Variants in PCDHGA11 observed in about 807,000 individuals in gnomAD.
PCDHGA11 encodes protocadherin gamma subfamily A, 11.
PCDHGA11 carries 39 observed loss-of-function variants against 60.4 expected under a neutral mutation model. The ratio of observed to expected loss-of-function variants is 0.65; its 90% CI spans 0.50 to 0.84. The LOEUF is 0.84. PCDHGA11 is among the 40% of genes least tolerant of loss of function. PCDHGA11 has a pLI of 0.00. For synonymous variants in PCDHGA11, 533 were observed against 510.3 expected, an observed-to-expected ratio of 1.04 and a Z score of -0.60; for missense variants, 1,165 against 1,197.7, an observed-to-expected ratio of 0.97 and a Z score of 0.40.
chr5:141,428,227 A>T (rs2154552643), intron 1 of PCDHGA11: 1 of 1,100,784 alleles, frequency 9.1e-7, no homozygotes, highest in Admixed American at 1.9e-5. Context: ...CTTCGCAGAC[A>T]GCCTGCAGGA....
At chr5:141,478,088 A>G (rs2099429877) in intron 1 of PCDHGA11, 2 of 1,613,944 alleles carry the variant, frequency 1.2e-6, no homozygotes, top group African/African-American at 1.3e-5. Context: ...TTCGCTCTCC[A>G]CCACTGCTAC....
chr5:141,451,001 A>G (rs909477017), intron 1 of PCDHGA11, among the ~76,000 whole-genome samples: 1 of 148,266 alleles, frequency 6.7e-6, no homozygotes, highest in African/African-American at 2.5e-5. Context: ...ATTTTTTTGT[A>G]TTTTTTTTAG....
chr5:141,489,150 TAA>T lies in PCDHGA11; in HGVS notation c.2434-5656_2434-5655del. 1.2e-6 allele frequency: 1 copy of T among 862,654 alleles called. No homozygotes were observed. Among genetic ancestry groups the T allele is most frequent in the Non-Finnish European group, 1.7e-6 (1 of 575,074 alleles). The allele number at this position is 862,654 out of a possible 1,614,324, so 53.4% of individuals were successfully genotyped here. On this transcript the variant is annotated intron_variant, in intron 1 of 3. Coordinates refer to ENST00000398587, the MANE Select transcript of PCDHGA11 (RefSeq NM_018914.3). This position sits in a 1 kb window ranked among gnomAD's most constrained non-coding sequence, Gnocchi z 4.5. ...GTTTTTAAGAGGCTGGAAGGAGACA[TAA>T]GAGACTTCAGCTGCTGCATTCCAAG... is the stretch of plus-strand genomic sequence containing the variant.
chr5:141,423,471 G>A lies in PCDHGA11; in HGVS notation c.2244G>A (p.Gln748=). ...TSHFVGVDGV[Q]AFLQTYSHEV... ...ATTTTGTAGGCGTGGACGGGGTACA[G>A]GCTTTCCTGCAAACCTATTCCCACG... Residue 748 remains glutamine, a synonymous_variant, in exon 1 of 4, where the codon CAG becomes CAA. Coordinates refer to ENST00000398587, the MANE Select transcript of PCDHGA11 (RefSeq NM_018914.3). 1 of 1,614,052 alleles carries A rather than the reference G, an allele frequency of 6.2e-7. No individual in the cohort carries two copies. The highest frequency in any genetic ancestry group is 1.1e-5 in the South Asian group (1 of 91,086).
At chr5:141,501,116 C>T (rs1325487254) in intron 2 of PCDHGA11, among the ~76,000 whole-genome samples, 1 of 152,154 alleles carries the variant, frequency 6.6e-6, no homozygotes, top group Non-Finnish European at 1.5e-5. Flanking sequence ...ATCCGCCTGC[C>T]TCAGCCTCCC....
chr5:141,452,494 T>C (rs1186924396), intron 1 of PCDHGA11, among the ~76,000 whole-genome samples: 2 of 152,192 alleles, frequency 1.3e-5, no homozygotes, highest in African/African-American at 4.8e-5. Flanking sequence ...CACACCCATA[T>C]TTATATTTGT....
At position 141,481,036 on chromosome 5, in the gene PCDHGA11, C is replaced by T. The variant is rs1040377549; in HGVS notation, c.2434-13771C>T. Among the ~76,000 whole-genome samples, 19 of 151,964 alleles carry T rather than the reference C, an allele frequency of 1.3e-4. 1 individual carries two copies. The highest frequency in any genetic ancestry group is 3.4e-4 in the African/African-American group (14 of 41,456). ...TCACACCACTGCACTCCAGCCTGGG[C>T]GACAGAGCGAGACTCCACCTCAAAA... is the stretch of plus-strand genomic sequence containing the variant. On this transcript the variant is annotated intron_variant, in intron 1 of 3. Transcript: ENST00000398587.
chr5:141,501,162 C>T (rs922957843), intron 2 of PCDHGA11, among the ~76,000 whole-genome samples: 1 of 152,134 alleles, frequency 6.6e-6, no homozygotes, highest in Non-Finnish European at 1.5e-5. Context: ...CCACCATCCC[C>T]AGCCTCATTT....
chr5:141,440,990 C>T (rs1195325115), intron 1 of PCDHGA11: 2 of 152,172 alleles, frequency 1.3e-5, no homozygotes, highest in African/African-American at 4.8e-5. Flanking sequence ...CCAGAGTACC[C>T]ATATCTAGTT....
At chr5:141,451,124 A>T (rs2098707796) in intron 1 of PCDHGA11, among the ~76,000 whole-genome samples, 1 of 152,102 alleles carries the variant, frequency 6.6e-6, no homozygotes, top group Non-Finnish European at 1.5e-5. Context: ...CACCACACCC[A>T]GCCTTATGAT....
intron 2 of PCDHGA11, among the ~76,000 whole-genome samples, chr5:141,498,451 T>C (rs1426888821): frequency 6.6e-6 from 1 of 152,126 alleles, no homozygotes; most frequent in Non-Finnish European, 1.5e-5. Context: ...AGGTTCCTTT[T>C]ATCCAGTCTA....
At chr5:141,494,954 G>A in intron 2 of PCDHGA11, 89 bp downstream of exon 2, 2 of 1,601,116 alleles carry the variant, frequency 1.2e-6, no homozygotes. Context: ...CCCAGCATTT[G>A]CTACAGATGG....
At chr5:141,492,448 G>T (rs2734874) in intron 1 of PCDHGA11, among the ~76,000 whole-genome samples, 50 of 152,334 alleles carry the variant, frequency 3.3e-4, no homozygotes, top group African/African-American at 1.2e-3. Context: ...GTAGCTGATT[G>T]TGCGCGCCTG....
At chr5:141,426,487 G>A (rs999549044) in intron 1 of PCDHGA11, 2 of 333,788 alleles carry the variant, frequency 6.0e-6, no homozygotes, top group African/African-American at 4.3e-5. Context: ...AAACCTTAGA[G>A]TTAGTGCAGA....
chr5:141,498,065 G>C (rs1197771947), intron 2 of PCDHGA11, among the ~76,000 whole-genome samples: 1 of 152,220 alleles, frequency 6.6e-6, no homozygotes, highest in Non-Finnish European at 1.5e-5. Context: ...GACTGAAACT[G>C]TCATAAGTGC....
Position 141,489,712 on chromosome 5 carries a change from C to T in PCDHGA11, c.2434-5095C>T. On this transcript the variant is annotated intron_variant, in intron 1 of 3. Coordinates refer to ENST00000398587, the MANE Select transcript of PCDHGA11 (RefSeq NM_018914.3). The surrounding 1 kb of genome is among the most constrained non-coding windows in gnomAD (Gnocchi z 4.5). The stretch of plus-strand genomic sequence containing the variant: ...GGCACGATTCCCACTGGACAGTGCC[C>T]AGGATCCGGATGTGGGCACCAATAC... The T allele has an allele frequency of 6.2e-7, 1 of 1,614,162 alleles. No individual in the cohort carries two copies. The highest frequency in any genetic ancestry group is 1.1e-5 in the South Asian group (1 of 91,078).
Position 141,503,999 on chromosome 5 carries a change from C to T in PCDHGA11, c.2493-1394C>T, listed in dbSNP as rs569153055. On this transcript the variant is annotated intron_variant, in intron 2 of 3. Coordinates refer to ENST00000398587, the MANE Select transcript of PCDHGA11 (RefSeq NM_018914.3). Reference sequence around the variant, plus strand: ...AACCCTTCTTCTTACCTTACAGTCACTTAACTGTCTCTGCTGGTCTCTTCC... The same window carrying T: ...AACCCTTCTTCTTACCTTACAGTCATTTAACTGTCTCTGCTGGTCTCTTCC... 2.0e-5 allele frequency among the ~76,000 whole-genome samples: 3 copies of T among 152,286 alleles called. No individual in the cohort carries two copies. The South Asian group carries it at 6.2e-4, about 32-fold the overall frequency.
chr5:141,427,546 C>T (rs779995777), intron 1 of PCDHGA11: 1 of 639,564 alleles, frequency 1.6e-6, no homozygotes, highest in South Asian at 1.5e-5. Context: ...GTCACCATCA[C>T]TGCCACTGAC....
chr5:141,427,034 A>G (rs762633589), intron 1 of PCDHGA11: 7 of 457,110 alleles, frequency 1.5e-5, no homozygotes, highest in Non-Finnish European at 2.6e-5. Flanking sequence ...TCAGCCTTAG[A>G]GAGAATGTGC....
Sources: allele counts gnomAD v4.1 joint callset (sites outside exome capture counted in the v4.1 genomes callset), GRCh38; gene constraint gnomAD v4.1.1; non-coding constraint Gnocchi (gnomAD v3.1); transcripts MANE v1.5; gene names NCBI Gene and HGNC (gene_info 2026-07-23, HGNC 2026-07-21).